Variants in PARVA observed in about 807,000 individuals in gnomAD.
PARVA encodes the protein parvin alpha, also known as alpha-parvin.
A neutral mutation model predicts 52.6 loss-of-function variants in PARVA; 25 were observed. That is an observed-to-expected ratio of 0.48 (90% confidence interval 0.35 to 0.66). The LOEUF is 0.66. Ranked by LOEUF, PARVA falls within the 30% of genes least tolerant of loss-of-function variation. The pLI is 0.01. For synonymous variants in PARVA, 185 were observed against 179.1 expected (o/e 1.03, Z -0.26); for missense variants, 373 against 450.9 (o/e 0.83, Z 1.56).
At chr11:12,464,840 C>G (rs2135027312) in intron 1 of PARVA, among the ~76,000 whole-genome samples, 1 of 152,256 alleles carries the variant, frequency 6.6e-6, no homozygotes, top group South Asian at 2.1e-4. Flanking sequence ...ATCCAGTAGT[C>G]CCCAACCTTT....
intron 12 of PARVA, 127 bp downstream of exon 12, chr11:12,518,644 T>C: frequency 2.8e-6 from 2 of 721,786 alleles, no homozygotes; most frequent in Non-Finnish European, 5.0e-6. Flanking sequence ...TGGGACTCGG[T>C]GCAGCTGCTC....
chr11:12,522,320 C>G (rs1268723900), intron 12 of PARVA, among the ~76,000 whole-genome samples: 1 of 151,964 alleles, frequency 6.6e-6, no homozygotes, highest in Admixed American at 6.6e-5. Flanking sequence ...TGACTATTCT[C>G]TGCAAAAAAG....
intron 1 of PARVA, among the ~76,000 whole-genome samples, chr11:12,404,656 A>C (rs1939876098): frequency 1.3e-5 from 2 of 152,216 alleles, no homozygotes; most frequent in South Asian, 4.1e-4. Flanking sequence ...ACTGAAAGAA[A>C]GTGCTGAATT....
Position 12,530,221 on chromosome 11 carries a change from T to C in PARVA, c.*2296T>C, listed in dbSNP as rs1941755299. 2.0e-5 allele frequency: 3 copies of C among 152,330 alleles called. No individual in the cohort carries two copies. The highest frequency in any genetic ancestry group is 4.1e-4 in the South Asian group (2 of 4,822). The allele number at this position is 152,330 out of a possible 1,614,324, so 9.4% of individuals were successfully genotyped here. A position where few individuals can be genotyped will look rare whatever the true frequency, so the allele number is the denominator to read the frequency against. ...AATTGTGTTTTGGGATTGAGTTCTTTGTCTCAGCCCAGAATCCCAGGTCCT... is the reference window on the plus strand; with the variant it reads ...AATTGTGTTTTGGGATTGAGTTCTTCGTCTCAGCCCAGAATCCCAGGTCCT... On this transcript the variant is annotated 3_prime_UTR_variant, in exon 13 of 13. Transcript: ENST00000334956.
rs548721433 is a variant in PARVA, at chr11:12,453,226, G to C, written c.137-20519G>C. On this transcript the variant is annotated intron_variant, in intron 1 of 12. Coordinates refer to ENST00000334956, the MANE Select transcript of PARVA (RefSeq NM_018222.5). ...GCTCTGTTGTTAGAGGTAGCTATGG[G>C]GGGTAGGTGGGGGTGTCTGATATTT... Among the ~76,000 whole-genome samples, 4 of 152,202 alleles carry C rather than the reference G, an allele frequency of 2.6e-5. No individual in the cohort carries two copies. In the East Asian group the frequency reaches 7.7e-4, roughly 29 times the overall value.
At chr11:12,513,575 T>C (rs1249002577) in intron 9 of PARVA, 5 of 687,362 alleles carry the variant, frequency 7.3e-6, no homozygotes, top group Non-Finnish European at 1.3e-5. Flanking sequence ...ATGAACAGCC[T>C]GTCTTCCCAC....
chr11:12,500,142 C>T (rs193183114), intron 5 of PARVA, among the ~76,000 whole-genome samples: 1 of 152,256 alleles, frequency 6.6e-6, no homozygotes, highest in African/African-American at 2.4e-5. Flanking sequence ...TAAATTACCT[C>T]CAGAAAAATT....
chr11:12,505,148 T>G (rs1238305124), intron 6 of PARVA, among the ~76,000 whole-genome samples: 1 of 152,238 alleles, frequency 6.6e-6, no homozygotes, highest in Non-Finnish European at 1.5e-5. Context: ...TTCAATTTTA[T>G]TTTCCAACTT....
chr11:12,393,408 G>A (rs1164153234), intron 1 of PARVA, among the ~76,000 whole-genome samples: 2 of 151,912 alleles, frequency 1.3e-5, no homozygotes, highest in African/African-American at 4.9e-5. Context: ...ATTAGCTGCT[G>A]TAACAGATAA....
intron 1 of PARVA, among the ~76,000 whole-genome samples, chr11:12,411,595 G>A (rs541542644): frequency 1.3e-4 from 20 of 152,088 alleles, no homozygotes; most frequent in African/African-American, 4.8e-4. Flanking sequence ...TGATGGCCTC[G>A]GCACTTTTTA....
chr11:12,463,678 C>T (rs189591016), intron 1 of PARVA, among the ~76,000 whole-genome samples: 18 of 152,256 alleles, frequency 1.2e-4, no homozygotes, highest in Admixed American at 5.9e-4. Context: ...AGTCACTAGA[C>T]GCAGCCCACA....
At chr11:12,478,106 A>G (rs1564857560) in intron 4 of PARVA, 157 bp downstream of exon 4, 1 of 710,022 alleles carries the variant, frequency 1.4e-6, no homozygotes, top group South Asian at 1.5e-5. Context: ...TGAAGGCTTT[A>G]GATGTCCTCT....
chr11:12,425,126 G>A (rs916588376), intron 1 of PARVA, among the ~76,000 whole-genome samples: 10 of 152,200 alleles, frequency 6.6e-5, no homozygotes, highest in African/African-American at 2.4e-4. Flanking sequence ...TATTTGAACA[G>A]TTCGAGATGT....
At chr11:12,467,812 C>CTTT (rs1422944734) in intron 1 of PARVA, among the ~76,000 whole-genome samples, 4 of 152,160 alleles carry the variant, frequency 2.6e-5, no homozygotes, top group Non-Finnish European at 4.4e-5. Context: ...TGGTTTTTTG[C>CTTT]AAGTACAGAT....
chr11:12,511,682 G>T, intron 8 of PARVA, 149 bp downstream of exon 8: 1 of 796,118 alleles, frequency 1.3e-6, no homozygotes, highest in South Asian at 1.5e-5. Flanking sequence ...GGTTGGGAGG[G>T]ACAGCTTACT....
chr11:12,513,486 A>C, intron 9 of PARVA, 126 bp downstream of exon 9: 1 of 846,308 alleles, frequency 1.2e-6, no homozygotes, highest in Non-Finnish European at 2.1e-6. Flanking sequence ...CTGCACACAC[A>C]GGGCTTTCCC....
At position 12,393,841 on chromosome 11, in the gene PARVA, C is replaced by A. The variant is rs557311474; in HGVS notation, c.136+16058C>A. ...AACCCAGACAGTCTGGCTCCAGAAG[C>A]TTGCTCTTGAGTGGCACGCTCCTCT... On this transcript the variant is annotated intron_variant, in intron 1 of 12. Coordinates refer to ENST00000334956, the MANE Select transcript of PARVA (RefSeq NM_018222.5). Among the ~76,000 whole-genome samples, 3 of 152,292 alleles carry A rather than the reference C, an allele frequency of 2.0e-5. No homozygotes were observed. In the South Asian group the frequency reaches 6.2e-4, roughly 32 times the overall value.
intron 6 of PARVA, among the ~76,000 whole-genome samples, chr11:12,504,774 G>GGTGTGTGTGTGTGTGTGT (rs58878351): frequency 1.7e-4 from 26 of 149,240 alleles, no homozygotes; most frequent in Non-Finnish European, 3.1e-4. Context: ...AAGGTATGTG[G>GGTGTGTGTGTGTGTGTGT]GTGTGTGTGT....
chr11:12,454,588 AAAGAAG>A (rs552232877), intron 1 of PARVA, among the ~76,000 whole-genome samples: 1 of 151,760 alleles, frequency 6.6e-6, no homozygotes, highest in South Asian at 2.1e-4. Flanking sequence ...AAAAAAAAAA[AAAGAAG>A]AAGAACTTCT....
Sources: gnomAD v4.1 joint callset for allele counts (sites outside exome capture counted in the v4.1 genomes callset) on GRCh38, gnomAD v4.1.1 for gene constraint, MANE v1.5 for transcripts, NCBI Gene and HGNC (gene_info 2026-07-23, HGNC 2026-07-21) for gene names.